MSH4: variants seen among roughly 807,000 people sequenced by gnomAD.
MSH4 encodes the protein mutS protein homolog 4.
A neutral mutation model predicts 113.7 loss-of-function variants in MSH4; 106 were observed. That is an observed-to-expected ratio of 0.93 (90% CI 0.80 to 1.10). The LOEUF (loss-of-function observed/expected upper bound fraction) is 1.10. Among genes scored for constraint, MSH4 ranks in the 50% least tolerant of loss-of-function variants. MSH4 has a pLI of 0.00. For synonymous variants in MSH4, 368 were observed against 380.2 expected (o/e 0.97, Z 0.37); for missense variants, 1,061 against 1,093.7 (o/e 0.97, Z 0.42).
intron 8 of MSH4, among the ~76,000 whole-genome samples, chr1:75,859,295 C>T (rs1331281982): frequency 4.6e-5 from 7 of 152,066 alleles, no homozygotes; most frequent in Admixed American, 3.9e-4. Flanking sequence ...TATTTCTTAT[C>T]TTCTGCTACT....
intron 6 of MSH4, among the ~76,000 whole-genome samples, chr1:75,818,159 A>G (rs1650329987): frequency 6.6e-6 from 1 of 152,200 alleles, no homozygotes; most frequent in Admixed American, 6.5e-5. Flanking sequence ...AATAGTAGTC[A>G]TACTGTGATA....
intron 8 of MSH4, among the ~76,000 whole-genome samples, chr1:75,861,403 A>T (rs1358842995): frequency 6.6e-6 from 1 of 152,106 alleles, no homozygotes; most frequent in Non-Finnish European, 1.5e-5. Context: ...TCATGGTTTT[A>T]TCTACCTTTG....
intron 15 of MSH4, among the ~76,000 whole-genome samples, chr1:75,885,066 T>C (rs1366891835): frequency 2.1e-5 from 3 of 143,312 alleles, no homozygotes; most frequent in African/African-American, 7.8e-5. Flanking sequence ...TGTGTATATA[T>C]ATATATATAC....
At chr1:75,898,251 C>G (rs1443875606) in intron 18 of MSH4, among the ~76,000 whole-genome samples, 170 bp downstream of exon 18, 2 of 151,732 alleles carry the variant, frequency 1.3e-5, no homozygotes, top group African/African-American at 2.4e-5. Context: ...GTATCTATAT[C>G]TAGATATAGA....
intron 8 of MSH4, 66 bp downstream of exon 8, chr1:75,848,342 A>C: frequency 8.9e-7 from 1 of 1,117,670 alleles, no homozygotes; most frequent in Non-Finnish European, 1.3e-6. Flanking sequence ...GTCTTAATGT[A>C]ATGTAACAAT....
At chr1:75,803,671 C>A in intron 1 of MSH4, 60 bp from the exon 2 acceptor site, 1 of 1,187,290 alleles carries the variant, frequency 8.4e-7, no homozygotes, top group Non-Finnish European at 1.2e-6. Context: ...ATTATAATGA[C>A]TAATACATCA....
intron 19 of MSH4, among the ~76,000 whole-genome samples, chr1:75,902,673 G>GTATATATA (rs34304425): frequency 1.1e-5 from 1 of 90,202 alleles, no homozygotes; most frequent in Non-Finnish European, 2.3e-5. Flanking sequence ...ATATGTGTAT[G>GTATATATA]TATATATATA....
intron 7 of MSH4, among the ~76,000 whole-genome samples, chr1:75,846,679 T>C (rs1651084010): frequency 6.6e-6 from 1 of 152,224 alleles, no homozygotes; most frequent in Admixed American, 6.5e-5. Flanking sequence ...ACTTAAGTAG[T>C]CTTTACAACA....
intron 9 of MSH4, among the ~76,000 whole-genome samples, chr1:75,869,547 C>T (rs1469690120): frequency 2.0e-5 from 3 of 152,136 alleles, no homozygotes; most frequent in African/African-American, 4.8e-5. Context: ...TTTCTGGCCC[C>T]GCTTGCTCTG....
intron 7 of MSH4, among the ~76,000 whole-genome samples, chr1:75,834,490 T>A (rs573299192): frequency 1.1e-4 from 17 of 152,336 alleles, no homozygotes; most frequent in Middle Eastern, 3.4e-3. Flanking sequence ...CATATGTTTA[T>A]TGTGGCACTA....
At chr1:75,899,584 A>G (rs749321665) in intron 18 of MSH4, 34 bp from the exon 19 acceptor site, 2 of 1,299,552 alleles carry the variant, frequency 1.5e-6, no homozygotes, top group South Asian at 3.2e-5. Flanking sequence ...AGCAGTAACA[A>G]TATTGAAGCC....
chr1:75,876,854 A>G lies in MSH4; in HGVS notation c.1306-82A>G, dbSNP rs147861191. 7.3e-4 allele frequency: 499 copies of G among 685,466 alleles called. 1 individual carries two copies. The highest frequency in any genetic ancestry group is 3.9e-3 in the African/African-American group (207 of 53,228). The allele number at this position is 685,466 out of a possible 1,614,324, so 42.5% of individuals were successfully genotyped here. On this transcript the variant is annotated intron_variant, in intron 9 of 19. Transcript: ENST00000263187. ...GAAGAAAGCACTTGGTAAACTATAA[A>G]GTATTAAACAACTGTAAAATGATAT... is the stretch of plus-strand genomic sequence containing the variant.
chr1:75,874,529 G>C (rs576456215), intron 9 of MSH4, among the ~76,000 whole-genome samples: 1 of 151,964 alleles, frequency 6.6e-6, no homozygotes, highest in East Asian at 1.9e-4. Flanking sequence ...GCTATGTTAC[G>C]CAGGCTGGTC....
chr1:75,911,318 G>A (rs1336486373), intron 19 of MSH4, among the ~76,000 whole-genome samples: 1 of 152,076 alleles, frequency 6.6e-6, no homozygotes, highest in East Asian at 1.9e-4. Flanking sequence ...TGAATTACTT[G>A]CCATTTCATC....
At chr1:75,812,283 A>C (rs1224570617) in intron 4 of MSH4, among the ~76,000 whole-genome samples, 1 of 152,228 alleles carries the variant, frequency 6.6e-6, no homozygotes, top group African/African-American at 2.4e-5. Context: ...CAGAGAAAAG[A>C]GTCCAGTGTG....
chr1:75,817,118 A>T (rs1208456657), intron 6 of MSH4, among the ~76,000 whole-genome samples: 1 of 152,208 alleles, frequency 6.6e-6, no homozygotes, highest in East Asian at 1.9e-4. Flanking sequence ...GTTTTAAATC[A>T]TTGTACTGTT....
At chr1:75,803,183 T>C (rs972572763) in intron 1 of MSH4, among the ~76,000 whole-genome samples, 1 of 152,220 alleles carries the variant, frequency 6.6e-6, no homozygotes, top group Non-Finnish European at 1.5e-5. Context: ...GGGTAATTTA[T>C]GATTTTAGCC....
At chr1:75,871,542 A>G (rs1651712665) in intron 9 of MSH4, among the ~76,000 whole-genome samples, 1 of 152,232 alleles carries the variant, frequency 6.6e-6, no homozygotes, top group Non-Finnish European at 1.5e-5. Context: ...TTAAAACCAT[A>G]GTTCTTATCT....
Position 75,806,870 on chromosome 1 carries a change from T to C in MSH4, c.428-111T>C, listed in dbSNP as rs960508509. On this transcript the variant is annotated intron_variant, in intron 2 of 19. Coordinates refer to ENST00000263187, the MANE Select transcript of MSH4 (RefSeq NM_002440.4). ...AATTGAAATAAGAGGCTAACTGATA[T>C]CTACAGATTGCATTATTTTGTCCTC... The C allele has an allele frequency of 6.6e-6, 6 of 913,496 alleles. No homozygotes were observed. In the African/African-American group the frequency reaches 7.1e-5, roughly 11 times the overall value. 56.6% of individuals were successfully genotyped at this position (913,496 alleles called of 1,614,324 possible). A position where few individuals can be genotyped will look rare whatever the true frequency, so the allele number is the denominator to read the frequency against.
Sources: gnomAD v4.1 joint callset for allele counts (sites outside exome capture counted in the v4.1 genomes callset) on GRCh38, gnomAD v4.1.1 for gene constraint, MANE v1.5 for transcripts, NCBI Gene and HGNC (gene_info 2026-07-23, HGNC 2026-07-21) for gene names.